Variants in EXOG observed in about 807,000 individuals in gnomAD.
EXOG encodes the protein nuclease EXOG, mitochondrial.
A neutral mutation model predicts 25.8 loss-of-function variants in EXOG; 27 were observed. The ratio of observed to expected loss-of-function variants is 1.05; its 90% CI spans 0.77 to 1.45. The LOEUF (loss-of-function observed/expected upper bound fraction) is 1.45, where lower values mean the gene tolerates loss of function less well. Ranked by LOEUF, EXOG falls within the 40% of genes most tolerant of loss-of-function variation. The pLI, the probability that EXOG is intolerant of heterozygous loss-of-function variation, is 0.00. For missense variants in EXOG, 458 were observed against 450.5 expected (o/e 1.02, Z -0.15); for synonymous variants, 133 against 167.0 (o/e 0.80, Z 1.57).
intron 5 of EXOG, among the ~76,000 whole-genome samples, chr3:38,518,174 G>A (rs572090175): frequency 1.3e-5 from 2 of 152,236 alleles, no homozygotes; most frequent in South Asian, 2.1e-4. Context: ...TAGGCAAGGT[G>A]AAGAGATGAG....
chr3:38,503,851 A>G (rs1216055639), intron 4 of EXOG, among the ~76,000 whole-genome samples, 160 bp downstream of exon 4: 1 of 152,190 alleles, frequency 6.6e-6, no homozygotes, highest in Non-Finnish European at 1.5e-5. Flanking sequence ...GTGTTTTGGG[A>G]GTACAGCCTT....
At chr3:38,512,783 G>GTA (rs143766396) in intron 5 of EXOG, among the ~76,000 whole-genome samples, 24 of 151,020 alleles carry the variant, frequency 1.6e-4, no homozygotes, top group East Asian at 7.8e-4. Flanking sequence ...GGCTCACATG[G>GTA]TATATATATA....
At position 38,525,071 on chromosome 3, in the gene EXOG, C is replaced by T. The variant is rs1003287325; in HGVS notation, c.*709C>T. 28 of 984,468 alleles carry T rather than the reference C, an allele frequency of 2.8e-5. No individual in the cohort carries two copies. The highest frequency in any genetic ancestry group is 2.8e-4 in the African/African-American group (16 of 57,204). The allele number at this position is 984,468 out of a possible 1,614,324, so 61.0% of individuals were successfully genotyped here. On this transcript the variant is annotated 3_prime_UTR_variant, in exon 6 of 6. Transcript: ENST00000287675. ...CTGCTCGTTTCTCTACTTCTGTCTACGTAGAAGCACTCAGCAACTAGTTTC... is the reference window on the plus strand; with the variant it reads ...CTGCTCGTTTCTCTACTTCTGTCTATGTAGAAGCACTCAGCAACTAGTTTC...
chr3:38,508,146 AAAAAT>A (rs2060259791), intron 5 of EXOG, among the ~76,000 whole-genome samples: 1 of 152,196 alleles, frequency 6.6e-6, no homozygotes, highest in Non-Finnish European at 1.5e-5. Context: ...AAATAAAAAT[AAAAAT>A]AAAATAAAAA....
At chr3:38,515,791 G>T in intron 5 of EXOG, 1 of 154,606 alleles carries the variant, frequency 6.5e-6, no homozygotes, top group South Asian at 1.8e-4. Flanking sequence ...GCAGGCACTT[G>T]GTTGGCAGGC....
At chr3:38,502,566 T>A (rs1013654510) in intron 3 of EXOG, among the ~76,000 whole-genome samples, 1 of 152,178 alleles carries the variant, frequency 6.6e-6, no homozygotes, top group Non-Finnish European at 1.5e-5. Context: ...GTATGCATCA[T>A]CTAAGAATGA....
At chr3:38,514,764 C>CG (rs2060481773) in intron 5 of EXOG, among the ~76,000 whole-genome samples, 1 of 120,076 alleles carries the variant, frequency 8.3e-6, no homozygotes, top group Admixed American at 8.6e-5. Context: ...TCCACCCTCC[C>CG]CCCCCTCCCC....
chr3:38,496,934 G>A, intron 1 of EXOG: 1 of 1,127,602 alleles, frequency 8.9e-7, no homozygotes, highest in Non-Finnish European at 1.1e-6. Context: ...CATTCAGTAA[G>A]TATGAATGAA....
chr3:38,507,669 G>A (rs1575631603), intron 5 of EXOG, among the ~76,000 whole-genome samples: 1 of 152,124 alleles, frequency 6.6e-6, no homozygotes, highest in African/African-American at 2.4e-5. Context: ...TGGCAGCAGC[G>A]TGTAAAGAGA....
chr3:38,497,616 T>TC lies in EXOG; in HGVS notation c.164-13_164-12insC. On this transcript the variant is annotated splice_polypyrimidine_tract_variant and intron_variant, in intron 1 of 5. Transcript: ENST00000287675. ...GTCTCTGCCCCCCCTTTTTTTTTTT[T>TC]TTTCATTTTTAGGATCTGCAGAAAA... The TC allele has an allele frequency of 6.4e-7, 1 of 1,557,634 alleles. No individual in the cohort carries two copies. The highest frequency in any genetic ancestry group is 8.6e-7 in the Non-Finnish European group (1 of 1,163,782).
intron 5 of EXOG, among the ~76,000 whole-genome samples, chr3:38,519,009 A>C (rs557560301): frequency 6.6e-6 from 1 of 152,360 alleles, no homozygotes; most frequent in Non-Finnish European, 1.5e-5. Context: ...TAAGGTTAGC[A>C]GATAATAAAA....
chr3:38,497,476 G>A lies in EXOG; in HGVS notation c.164-153G>A. On this transcript the variant is annotated intron_variant, in intron 1 of 5. Coordinates refer to ENST00000287675, the MANE Select transcript of EXOG (RefSeq NM_005107.4). ...TCATCTCATAAGTAATTGCAAAAAT[G>A]AGATTTTCTGGTTGATTAGACTTCT... The A allele has an allele frequency of 3.0e-6, 4 of 1,354,428 alleles. 1 individual carries two copies. The South Asian group carries it at 6.2e-5, about 21-fold the overall frequency. The allele number at this position is 1,354,428 out of a possible 1,614,324, so 83.9% of individuals were successfully genotyped here.
At chr3:38,504,387 TA>T (rs553394240) in intron 4 of EXOG, among the ~76,000 whole-genome samples, 3 of 152,216 alleles carry the variant, frequency 2.0e-5, no homozygotes, top group South Asian at 2.1e-4. Context: ...TTCCTGAACT[TA>T]AAAAAAGTTG....
intron 5 of EXOG, among the ~76,000 whole-genome samples, chr3:38,513,388 T>C (rs1048736553): frequency 1.3e-5 from 2 of 152,312 alleles, no homozygotes; most frequent in Non-Finnish European, 2.9e-5. Flanking sequence ...TTAACCAGCA[T>C]TTATATTATT....
chr3:38,509,011 A>T (rs1199112985), intron 5 of EXOG, among the ~76,000 whole-genome samples: 1 of 152,236 alleles, frequency 6.6e-6, no homozygotes, highest in Non-Finnish European at 1.5e-5. Context: ...AATTCATTTA[A>T]TATCTCTCCT....
chr3:38,511,924 C>T (rs564103182), intron 5 of EXOG, among the ~76,000 whole-genome samples: 1 of 152,288 alleles, frequency 6.6e-6, no homozygotes, highest in East Asian at 1.9e-4. Context: ...CCTTTGGAGG[C>T]TAACATAAGA....
chr3:38,504,046 T>TA (rs908613171), intron 4 of EXOG, among the ~76,000 whole-genome samples: 4 of 152,122 alleles, frequency 2.6e-5, no homozygotes, highest in East Asian at 1.9e-4. Context: ...TAGCTTTTTT[T>TA]AAAAAAACAG....
At chr3:38,496,936 A>G (rs2059908021) in intron 1 of EXOG, 4 of 1,129,170 alleles carry the variant, frequency 3.5e-6, no homozygotes. Flanking sequence ...TTCAGTAAGT[A>G]TGAATGAAGG....
Position 38,496,435 on chromosome 3 carries a change from G to C in EXOG, c.68G>C (p.Gly23Ala), listed in dbSNP as rs1388687695. 1.2e-6 allele frequency: 2 copies of C among 1,614,010 alleles called. No homozygotes were observed. The highest frequency in any genetic ancestry group is 1.3e-5 in the African/African-American group (1 of 74,946). The change falls in exon 1 of 6, where the codon GGG becomes GCG. Residue 23 changes from glycine (G) to alanine (A), a missense_variant. Physicochemically the swap from Gly to Ala is moderately conservative, Grantham distance 60. Transcript: ENST00000287675. ...SRRFLSGFVA[G>A]AVVGAAGAGL... ...CGTTTTCTGAGCGGCTTCGTGGCTG[G>C]GGCTGTAGTGGGCGCTGCGGGAGCT... is the stretch of plus-strand genomic sequence containing the variant.
Sources: allele counts gnomAD v4.1 joint callset (sites outside exome capture counted in the v4.1 genomes callset), GRCh38; gene constraint gnomAD v4.1.1; transcripts MANE v1.5; gene names NCBI Gene and HGNC (gene_info 2026-07-23, HGNC 2026-07-21).